SEMA3G: variants seen among roughly 807,000 people sequenced by gnomAD.
SEMA3G encodes semaphorin-3G.
Under a neutral mutation model 86.2 loss-of-function variants are expected in SEMA3G, and 70 were observed. The observed-to-expected ratio is 0.81, with a 90% CI of 0.67 to 0.99. The LOEUF (loss-of-function observed/expected upper bound fraction) is 0.99, where lower values mean the gene tolerates loss of function less well. SEMA3G is among the 50% of genes least tolerant of loss of function. SEMA3G has a pLI of 0.00. For synonymous variants in SEMA3G, 416 were observed against 441.4 expected, an observed-to-expected ratio of 0.94 and a Z score of 0.72; for missense variants, 1,002 against 1,072.4, an observed-to-expected ratio of 0.93 and a Z score of 0.92.
In SEMA3G at chr3:52,442,987, G is replaced by A. The variant is rs1476597939; in HGVS notation, c.116-80C>T. 20 of 1,548,704 alleles carry A rather than the reference G, an allele frequency of 1.3e-5. No homozygotes were observed. Among genetic ancestry groups the A allele is most frequent in the Admixed American group, 2.0e-5 (1 of 51,010 alleles). On this transcript the variant is annotated intron_variant, in intron 1 of 15. Transcript: ENST00000231721. This position sits in a 1 kb window ranked among gnomAD's most constrained non-coding sequence, Gnocchi z 6.1. Reference sequence around the variant, plus strand: ...GCCAAGGAGTGGAGGTGGAGGCCCCGGCTGAGCATCCACCCCTGACACACT... The same window carrying A: ...GCCAAGGAGTGGAGGTGGAGGCCCCAGCTGAGCATCCACCCCTGACACACT...
chr3:52,443,281 G>A (rs1237728617), intron 1 of SEMA3G, among the ~76,000 whole-genome samples: 1 of 152,224 alleles, frequency 6.6e-6, no homozygotes, highest in Non-Finnish European at 1.5e-5. Flanking sequence ...AAGGGCGGGA[G>A]TCTTTGCAGG....
chr3:52,442,266 G>A lies in SEMA3G; in HGVS notation c.378C>T (p.His126=). The change falls in exon 4 of 16, where the codon CAC becomes CAT. Residue 126 remains histidine, a synonymous_variant. Transcript: ENST00000231721. The surrounding 1 kb of genome is among the most constrained non-coding windows in gnomAD (Gnocchi z 6.1). ...CANFVRVLQP[H]NRTHLLACGT... ...CACAGGCTAGCAGGTGGGTCCGGTT[G>A]TGAGGCTGTAGCACCCGCACGAAGT... 1 of 1,613,984 alleles carries A rather than the reference G, an allele frequency of 6.2e-7. No homozygotes were observed. Among genetic ancestry groups the A allele is most frequent in the Non-Finnish European group, 8.5e-7 (1 of 1,179,960 alleles).
intron 12 of SEMA3G, 127 bp from the exon 13 acceptor site, chr3:52,439,088 T>C (rs1706099739): frequency 2.1e-6 from 2 of 971,106 alleles, no homozygotes; most frequent in Admixed American, 4.5e-5. Flanking sequence ...TTGCACTCCC[T>C]GGCAGCTAAG....
intron 15 of SEMA3G, 81 bp from the exon 16 acceptor site, chr3:52,436,154 T>C (rs533040208): frequency 6.7e-7 from 1 of 1,484,142 alleles, no homozygotes; most frequent in South Asian, 1.4e-5. Context: ...TTTTCTGCCA[T>C]CCTTGGGGCC....
At position 52,439,964 on chromosome 3, in the gene SEMA3G, G is replaced by C; in HGVS notation, c.1278C>G (p.Val426=). ...GCTGGGCCAGGTGGGTCTTGACAAG[G>C]ACAGGGCGGCCATGTCGAGGCCGCA... ...WPVRPRHGRP[V]LVKTHLAQQL... The change falls in exon 11 of 16, where the codon GTC becomes GTG. Residue 426 remains valine, a synonymous_variant. Transcript: ENST00000231721. The C allele has an allele frequency of 6.2e-7, 1 of 1,613,784 alleles. No individual in the cohort carries two copies. Among genetic ancestry groups the C allele is most frequent in the Non-Finnish European group, 8.5e-7 (1 of 1,180,000 alleles).
rs1311814766 is a variant in SEMA3G at position 52,444,533 on chromosome 3, C to A, written c.115+380G>T. 8.8e-4 allele frequency among the ~76,000 whole-genome samples: 91 copies of A among 103,910 alleles called. 1 individual carries two copies. The South Asian group carries it at 0.014, about 15-fold the overall frequency. The allele number at this position is 103,910 out of a possible 152,430, so 68.2% of individuals were successfully genotyped here. A position where few individuals can be genotyped will look rare whatever the true frequency, so the allele number is the denominator to read the frequency against. ...ACGCACACAAACTCGGCACACGCAC[C>A]CAAACAGGGCACACGCACACAAACT... is the stretch of plus-strand genomic sequence containing the variant. On this transcript the variant is annotated intron_variant, in intron 1 of 15. Transcript: ENST00000231721.
chr3:52,441,466 T>C, intron 6 of SEMA3G, 57 bp from the exon 7 acceptor site: 3 of 1,598,378 alleles, frequency 1.9e-6, no homozygotes, highest in Non-Finnish European at 2.6e-6. Context: ...AGGATGGGAG[T>C]AGAACCCAGT....
chr3:52,436,337 G>C (rs1195061395), intron 15 of SEMA3G, among the ~76,000 whole-genome samples: 2 of 152,232 alleles, frequency 1.3e-5, no homozygotes, highest in Non-Finnish European at 2.9e-5. Flanking sequence ...TTAGTCAGAG[G>C]ACTCCAATCT....
Position 52,438,144 on chromosome 3 carries a change from C to T in SEMA3G, c.1565G>A (p.Cys522Tyr), listed in dbSNP as rs770358554. The change falls in exon 14 of 16, where the codon TGT (cysteine) becomes TAT (tyrosine). Residue 522 changes from cysteine (C) to tyrosine (Y), a missense_variant. Transcript: ENST00000231721. ...LGVAQLRLHQCETYGTACAEC... is the reference protein window; with the variant it reads ...LGVAQLRLHQYETYGTACAEC... ...TGCACAGGCAGTGCCGTAAGTCTCA[C>T]ATTGGTGCAGCCGCAGCTGGGCCAC... The T allele has an allele frequency of 8.7e-6, 14 of 1,613,270 alleles. No individual in the cohort carries two copies. In the South Asian group the frequency reaches 1.4e-4, roughly 16 times the overall value.
In SEMA3G at chr3:52,441,989, G is replaced by A. The variant is rs1056114329; in HGVS notation, c.460-80C>T. 1.0e-5 allele frequency: 14 copies of A among 1,346,658 alleles called. No homozygotes were observed. The highest frequency in any genetic ancestry group is 5.2e-5 in the South Asian group (4 of 77,290). The allele number at this position is 1,346,658 out of a possible 1,614,324, so 83.4% of individuals were successfully genotyped here. A position where few individuals can be genotyped will look rare whatever the true frequency, so the allele number is the denominator to read the frequency against. On this transcript the variant is annotated intron_variant, in intron 4 of 15. Transcript: ENST00000231721. ...AGCCCACACCCAAGCAGGAGCCCTC[G>A]CGTGCGGCCAGAGAGCGGGGGTGGG...
chr3:52,442,921 T>C lies in SEMA3G; in HGVS notation c.116-14A>G. On this transcript the variant is annotated splice_polypyrimidine_tract_variant and intron_variant, in intron 1 of 15. Transcript: ENST00000231721. The surrounding 1 kb of genome is among the most constrained non-coding windows in gnomAD (Gnocchi z 6.1). ...CAGACAGGAGGTCTAGGAGGATGTA[T>C]GGGGAGGCAGATCAGGGCCACAGCT... 6.3e-7 allele frequency: 1 copy of C among 1,579,208 alleles called. No homozygotes were observed.
chr3:52,445,061 T>C lies in SEMA3G; in HGVS notation c.-34A>G. ...ACTGAGGGCACCGCTGCCGCCTGCC[T>C]GCAGAGCCGCCCTCTGGTCCCGCTG... On this transcript the variant is annotated 5_prime_UTR_variant, in exon 1 of 16. Transcript: ENST00000231721. 3 of 1,258,974 alleles carry C rather than the reference T, an allele frequency of 2.4e-6. No individual in the cohort carries two copies. The highest frequency in any genetic ancestry group is 3.0e-6 in the Non-Finnish European group (3 of 996,910). The allele number at this position is 1,258,974 out of a possible 1,614,324, so 78.0% of individuals were successfully genotyped here.
At chr3:52,439,047 G>A (rs975540593) in intron 12 of SEMA3G, 86 bp from the exon 13 acceptor site, 1 of 1,461,062 alleles carries the variant, frequency 6.8e-7, no homozygotes, top group East Asian at 2.3e-5. Flanking sequence ...CCAACCCTGG[G>A]GTGGGAACCA....
intron 6 of SEMA3G, 68 bp from the exon 7 acceptor site, chr3:52,441,477 G>A (rs1559611364): frequency 1.9e-6 from 3 of 1,593,534 alleles, no homozygotes; most frequent in East Asian, 2.2e-5. Flanking sequence ...AGAACCCAGT[G>A]GGGAGAGGAA....
In SEMA3G at chr3:52,441,353, T is replaced by C; in HGVS notation, c.724A>G (p.Lys242Glu). The C allele has an allele frequency of 1.9e-6, 3 of 1,613,646 alleles. No homozygotes were observed. Among genetic ancestry groups the C allele is most frequent in the Non-Finnish European group, 2.5e-6 (3 of 1,179,936 alleles). Reference protein sequence around the residue: ...IPENSDQDNDKVYFFFSETVP... With the variant: ...IPENSDQDNDEVYFFFSETVP... ...GTCTCCGAGAAGAAGAAGTACACCT[T>C]GTCATTGTCCTGGTCAGAGTTCTCA... The change falls in exon 7 of 16, where the codon AAG (lysine) becomes GAG (glutamate). Residue 242 changes from lysine (K) to glutamate (E), a missense_variant. Coordinates refer to ENST00000231721, the MANE Select transcript of SEMA3G (RefSeq NM_020163.3).
chr3:52,440,127 A>G (rs1706119623), intron 10 of SEMA3G, 29 bp from the exon 11 acceptor site: 5 of 1,522,816 alleles, frequency 3.3e-6, no homozygotes, highest in Non-Finnish European at 3.6e-6. Context: ...GGAGTGCCTG[A>G]AGTATCCTGA....
At chr3:52,444,226 C>A (rs553571079) in intron 1 of SEMA3G, among the ~76,000 whole-genome samples, 105 of 152,294 alleles carry the variant, frequency 6.9e-4, no homozygotes, top group African/African-American at 2.4e-3. Context: ...TGTCACTCTC[C>A]CCTGCCTGGT....
rs770751565 is a variant in SEMA3G, at chr3:52,437,538, C to T, written c.1867G>A (p.Gly623Arg). ...RWLLQRPGDE[G>R]PDQVKTDERV... ...GTCTCCTCACTCACCTGGTCAGGCC[C>T]CTCATCCCCTGGCCTCTGCAAGAGC... The change falls in exon 15 of 16, where the codon GGG (glycine) becomes AGG (arginine). Residue 623 changes from glycine (G) to arginine (R), a missense_variant. Transcript: ENST00000231721. The T allele has an allele frequency of 2.5e-6, 4 of 1,612,716 alleles. No homozygotes were observed. Among genetic ancestry groups the T allele is most frequent in the South Asian group, 1.1e-5 (1 of 91,044 alleles).
At chr3:52,438,299 A>G (rs1221139174) in intron 13 of SEMA3G, 100 bp from the exon 14 acceptor site, 19 of 1,419,782 alleles carry the variant, frequency 1.3e-5, no homozygotes, top group Admixed American at 2.0e-5. Context: ...TGCCACTTGC[A>G]GGAAGTCTTC....
Sources: gnomAD v4.1 joint callset for allele counts (sites outside exome capture counted in the v4.1 genomes callset) on GRCh38, gnomAD v4.1.1 for gene constraint, Gnocchi (gnomAD v3.1) non-coding constraint, MANE v1.5 for transcripts, NCBI Gene and HGNC (gene_info 2026-07-23, HGNC 2026-07-21) for gene names.